The following CYTL1 variants were observed in gnomAD, a reference collection of about 807,000 sequenced individuals.
CYTL1 encodes cytokine-like protein 1.
A neutral mutation model predicts 13.1 loss-of-function variants in CYTL1; 17 were observed. That is an observed-to-expected ratio of 1.29 (90% CI 0.89 to 1.94). The LOEUF (loss-of-function observed/expected upper bound fraction) is 1.94. Among genes scored for constraint, CYTL1 ranks in the 30% most tolerant of loss-of-function variants. CYTL1 has a pLI of 0.00. For missense variants in CYTL1, 213 were observed against 174.8 expected, an observed-to-expected ratio of 1.22 and a Z score of -1.23; for synonymous variants, 91 against 79.4, an observed-to-expected ratio of 1.15 and a Z score of -0.78.
At chr4:5,015,781 T>G (rs10031270) in intron 3 of CYTL1, among the ~76,000 whole-genome samples, 23,592 of 152,208 alleles carry the variant, frequency 0.15, 1,956 homozygotes, top group Middle Eastern at 0.23. Context: ...TACTCTGGGC[T>G]AGGCATGGTG....
In CYTL1 at chr4:5,014,709, G is replaced by A. The variant is rs1380167897; in HGVS notation, c.*442C>T. On this transcript the variant is annotated 3_prime_UTR_variant, in exon 4 of 4. Transcript: ENST00000307746. ...AATTTCTTTTTAAATGAAAGACAGT[G>A]AAGAAAGTCTGTGTTAGAAAAAGGC... 5.6e-6 allele frequency: 1 copy of A among 179,446 alleles called. No individual in the cohort carries two copies. Among genetic ancestry groups the A allele is most frequent in the Non-Finnish European group, 1.1e-5 (1 of 87,360 alleles). The allele number at this position is 179,446 out of a possible 1,614,324, so 11.1% of individuals were successfully genotyped here.
chr4:5,019,066 C>T (rs28722513), intron 1 of CYTL1, among the ~76,000 whole-genome samples: 22,574 of 129,008 alleles, frequency 0.17, 1,876 homozygotes, highest in Middle Eastern at 0.26. Flanking sequence ...GCTAGTAAGT[C>T]ACAAAAATTG....
At chr4:5,015,396 G>A (rs1488959123) in intron 3 of CYTL1, among the ~76,000 whole-genome samples, 162 bp from the exon 4 acceptor site, 1 of 142,718 alleles carries the variant, frequency 7.0e-6, no homozygotes, top group Non-Finnish European at 1.5e-5. Context: ...GTCACTTCTT[G>A]CTTCACATTC....
chr4:5,019,132 T>C (rs1741141606), intron 1 of CYTL1, among the ~76,000 whole-genome samples, 161 bp downstream of exon 1: 1 of 151,860 alleles, frequency 6.6e-6, no homozygotes, highest in Admixed American at 6.6e-5. Context: ...GTATCATATT[T>C]AAAAGGAGAT....
At chr4:5,016,811 T>C (rs200549385) in intron 3 of CYTL1, 25 bp downstream of exon 3, 2 of 1,613,640 alleles carry the variant, frequency 1.2e-6, no homozygotes, top group Non-Finnish European at 1.7e-6. Context: ...AAGTAGAAAA[T>C]AGACTTTCAA....
Position 5,016,900 on chromosome 4 carries a change from T to G in CYTL1, c.263A>C (p.Gln88Pro), listed in dbSNP as rs1411770085. 1.2e-6 allele frequency: 2 copies of G among 1,614,082 alleles called. No individual in the cohort carries two copies. The highest frequency in any genetic ancestry group is 1.7e-6 in the Non-Finnish European group (2 of 1,180,046). Residue 88 changes from glutamine to proline, a missense_variant, in exon 3 of 4, where the codon CAG (glutamine) becomes CCG (proline). Physicochemically the swap from Gln to Pro is moderately conservative, Grantham distance 76. Transcript: ENST00000307746. The part of the protein sequence containing the change: ...VASPPCWKVA[Q>P]VDSLKDKARK... ...TGCTTTGTCCTTCAAGGAATCTACC[T>G]GGGCCACTTTCCAACACGGGGGCGA...
chr4:5,015,280 C>T (rs532688534), intron 3 of CYTL1, 46 bp from the exon 4 acceptor site: 8 of 1,487,036 alleles, frequency 5.4e-6, no homozygotes, highest in Admixed American at 1.7e-5. Context: ...AAGGTGGTCA[C>T]GGAGTCCATA....
chr4:5,016,985 G>A (rs751710649), intron 2 of CYTL1, 21 bp from the exon 3 acceptor site: 1 of 1,613,896 alleles, frequency 6.2e-7, no homozygotes, highest in Admixed American at 1.7e-5. Flanking sequence ...GCAATGGGGA[G>A]GGGGCTTGTG....
chr4:5,017,637 A>G (rs912401033), intron 1 of CYTL1, among the ~76,000 whole-genome samples: 1 of 150,266 alleles, frequency 6.7e-6, no homozygotes, highest in Non-Finnish European at 1.5e-5. Flanking sequence ...TACTTATATA[A>G]TAACTTATAT....
intron 3 of CYTL1, among the ~76,000 whole-genome samples, 155 bp from the exon 4 acceptor site, chr4:5,015,389 ACTT>A (rs1741051147): frequency 2.0e-5 from 3 of 149,160 alleles, no homozygotes; most frequent in Admixed American, 1.4e-4. Flanking sequence ...AGGGCTAGTC[ACTT>A]CTTGCTTCAC....
rs115000793 is a variant in CYTL1, at chr4:5,018,188, C to T, written c.154-1009G>A. Among the ~76,000 whole-genome samples, 319 of 152,154 alleles carry T rather than the reference C, an allele frequency of 2.1e-3. 1 individual carries two copies. Among genetic ancestry groups the T allele is most frequent in the African/African-American group, 7.4e-3 (309 of 41,486 alleles). ...TTGCAAAACTGCTTGTGCTGTTTGA[C>T]CCAAATTTTGTTTACACACACACAC... On this transcript the variant is annotated intron_variant, in intron 1 of 3. Coordinates refer to ENST00000307746, the MANE Select transcript of CYTL1 (RefSeq NM_018659.3).
At chr4:5,015,869 G>T (rs1741061580) in intron 3 of CYTL1, among the ~76,000 whole-genome samples, 1 of 152,096 alleles carries the variant, frequency 6.6e-6, no homozygotes, top group African/African-American at 2.4e-5. Flanking sequence ...ACAAGGTAAG[G>T]GTGTAATTAT....
At chr4:5,019,026 T>TTTTTTTTTTTTTTTTTG (rs1741138977) in intron 1 of CYTL1, among the ~76,000 whole-genome samples, 1 of 140,882 alleles carries the variant, frequency 7.1e-6, no homozygotes, top group African/African-American at 2.6e-5. Context: ...TTTTTTTTTT[T>TTTTTTTTTTTTTTTTTG]TACATTTTAC....
Position 5,015,195 on chromosome 4 carries a change from A to G in CYTL1, c.367T>C (p.Tyr123His). 6.2e-7 allele frequency: 1 copy of G among 1,613,960 alleles called. No homozygotes were observed. The change falls in exon 4 of 4, where the codon TAC becomes CAC. Residue 123 changes from tyrosine (Y) to histidine (H), a missense_variant. Coordinates refer to ENST00000307746, the MANE Select transcript of CYTL1 (RefSeq NM_018659.3). ...FLLDDCNALE[Y>H]PIPVTTVLPD... is the part of the protein sequence containing the mutation. ...AGGACCGTAGTCACTGGGATTGGGTATTCCAAGGCATTGCAGTCATCCAAC... is the reference window on the plus strand; with the variant it reads ...AGGACCGTAGTCACTGGGATTGGGTGTTCCAAGGCATTGCAGTCATCCAAC...
intron 1 of CYTL1, 92 bp downstream of exon 1, chr4:5,019,201 C>G: frequency 2.9e-6 from 3 of 1,024,908 alleles, no homozygotes; most frequent in Non-Finnish European, 3.9e-6. Flanking sequence ...ATATCCTTTT[C>G]TCTCTCTCTC....
chr4:5,014,963 C>CCG lies in CYTL1; in HGVS notation c.*187_*188insCG. Reference sequence around the variant, plus strand: ...GTCAAGGGAATGAGAAGCATGGTTGCTAACTCTATGCTCAAAGGAGGTTCC... The same window carrying CCG: ...GTCAAGGGAATGAGAAGCATGGTTGCCGTAACTCTATGCTCAAAGGAGGTTCC... On this transcript the variant is annotated 3_prime_UTR_variant, in exon 4 of 4. Transcript: ENST00000307746. The CCG allele has an allele frequency of 1.6e-6, 1 of 608,678 alleles. No individual in the cohort carries two copies. Among genetic ancestry groups the CCG allele is most frequent in the Admixed American group, 2.9e-5 (1 of 34,290 alleles). The allele number at this position is 608,678 out of a possible 1,614,324, so 37.7% of individuals were successfully genotyped here.
intron 1 of CYTL1, among the ~76,000 whole-genome samples, chr4:5,018,800 A>G (rs1266868976): frequency 6.6e-6 from 1 of 152,232 alleles, no homozygotes; most frequent in Non-Finnish European, 1.5e-5. Context: ...TACAGACAAG[A>G]AAACTGAAAG....
rs999544632 is a variant in CYTL1, at chr4:5,019,332, G to C, written c.114C>G (p.Ile38Met). 7 of 1,512,804 alleles carry C rather than the reference G, an allele frequency of 4.6e-6. No homozygotes were observed. The highest frequency in any genetic ancestry group is 6.2e-6 in the Non-Finnish European group (7 of 1,135,842). 93.7% of individuals were successfully genotyped at this position (1,512,804 alleles called of 1,614,324 possible). A position where few individuals can be genotyped will look rare whatever the true frequency, so the allele number is the denominator to read the frequency against. The change falls in exon 1 of 4, where the codon ATC (isoleucine) becomes ATG (methionine). Residue 38 changes from isoleucine (I) to methionine (M), a missense_variant. Coordinates refer to ENST00000307746, the MANE Select transcript of CYTL1 (RefSeq NM_018659.3). ...YSRMRALSQE[I>M]TRDFNLLQVS... is the part of the protein sequence containing the mutation. ...CCTGCAGGAGGTTGAAGTCGCGGGT[G>C]ATCTCCTGGCTCAGGGCCCGCATGC...
chr4:5,018,147 G>C lies in CYTL1; in HGVS notation c.154-968C>G, dbSNP rs570863471. On this transcript the variant is annotated intron_variant, in intron 1 of 3. Coordinates refer to ENST00000307746, the MANE Select transcript of CYTL1 (RefSeq NM_018659.3). Reference sequence around the variant, plus strand: ...AACAAAAATGAACTTATTTGATAGTGTCATTAAAAAGTAAGTTGCAAAACT... The same window carrying C: ...AACAAAAATGAACTTATTTGATAGTCTCATTAAAAAGTAAGTTGCAAAACT... Among the ~76,000 whole-genome samples, 5 of 152,256 alleles carry C rather than the reference G, an allele frequency of 3.3e-5. No individual in the cohort carries two copies. In the South Asian group the frequency reaches 8.3e-4, roughly 25 times the overall value.
Sources: allele counts gnomAD v4.1 joint callset (sites outside exome capture counted in the v4.1 genomes callset), GRCh38; gene constraint gnomAD v4.1.1; transcripts MANE v1.5; gene names NCBI Gene and HGNC (gene_info 2026-07-23, HGNC 2026-07-21).